The following DNAJC15 variants were observed in gnomAD, a reference collection of about 807,000 sequenced individuals.
DNAJC15 encodes the protein DnaJ heat shock protein family (Hsp40) member C15, also known as dnaJ homolog subfamily C member 15.
In DNAJC15, 27 loss-of-function variants were observed where a neutral mutation model predicts 22.4. The ratio of observed to expected loss-of-function variants is 1.20; its 90% CI spans 0.89 to 1.66. DNAJC15 has a LOEUF of 1.66. Among genes scored for constraint, DNAJC15 ranks in the 40% most tolerant of loss-of-function variants. The pLI, the probability that DNAJC15 is intolerant of heterozygous loss-of-function variation, is 0.00. For missense variants in DNAJC15, 208 were observed against 187.1 expected, an observed-to-expected ratio of 1.11 and a Z score of -0.65; for synonymous variants, 79 against 63.2, an observed-to-expected ratio of 1.25 and a Z score of -1.19.
intron 5 of DNAJC15, among the ~76,000 whole-genome samples, chr13:43,086,658 G>C (rs1196574195): frequency 4.6e-5 from 7 of 152,102 alleles, no homozygotes; most frequent in Admixed American, 4.6e-4. Flanking sequence ...CATCATCTCT[G>C]TTGGTTTTTG....
Position 43,109,183 on chromosome 13 carries a change from G to A in DNAJC15, c.*1935G>A, listed in dbSNP as rs2040813039. On this transcript the variant is annotated 3_prime_UTR_variant, in exon 6 of 6. Coordinates refer to ENST00000379221, the MANE Select transcript of DNAJC15 (RefSeq NM_013238.3). ...TTGAGTGAATGAATAAATTCCCATA[G>A]CACTTTATTCTTCACATGGTACATA... 6.6e-6 allele frequency: 1 copy of A among 152,158 alleles called. No individual in the cohort carries two copies. Among genetic ancestry groups the A allele is most frequent in the Non-Finnish European group, 1.5e-5 (1 of 68,030 alleles). The allele number at this position is 152,158 out of a possible 1,614,324, so 9.4% of individuals were successfully genotyped here.
intron 1 of DNAJC15, among the ~76,000 whole-genome samples, chr13:43,060,941 T>G (rs2153440660): frequency 6.6e-6 from 1 of 152,300 alleles, no homozygotes; most frequent in Non-Finnish European, 1.5e-5. Context: ...GACATGTGAG[T>G]AAAGTCAATT....
At chr13:43,031,583 G>C (rs994374626) in intron 1 of DNAJC15, among the ~76,000 whole-genome samples, 3 of 152,202 alleles carry the variant, frequency 2.0e-5, no homozygotes, top group Non-Finnish European at 4.4e-5. Context: ...GATGATAGCT[G>C]AACTGTTTTG....
chr13:43,102,580 G>A (rs1406797955), intron 5 of DNAJC15, among the ~76,000 whole-genome samples: 1 of 152,128 alleles, frequency 6.6e-6, no homozygotes, highest in African/African-American at 2.4e-5. Flanking sequence ...TTGCACTGCA[G>A]CCTGGGCAAC....
At chr13:43,049,949 G>A (rs1281055297) in intron 1 of DNAJC15, among the ~76,000 whole-genome samples, 2 of 152,080 alleles carry the variant, frequency 1.3e-5, no homozygotes, top group African/African-American at 4.8e-5. Context: ...ACAGAGTCTT[G>A]CTCTGTGGCC....
At chr13:43,093,232 G>C (rs951883505) in intron 5 of DNAJC15, among the ~76,000 whole-genome samples, 2 of 151,468 alleles carry the variant, frequency 1.3e-5, no homozygotes, top group African/African-American at 4.9e-5. Context: ...TAGTTATTTG[G>C]TTTTCAGGCC....
At chr13:43,029,919 A>G (rs1033460572) in intron 1 of DNAJC15, among the ~76,000 whole-genome samples, 1 of 152,204 alleles carries the variant, frequency 6.6e-6, no homozygotes, top group African/African-American at 2.4e-5. Context: ...TAACAAATGA[A>G]TGAAACCAAC....
In DNAJC15 at chr13:43,078,660, C is replaced by A; in HGVS notation, c.283C>A (p.Arg95=). The change falls in exon 4 of 6, where the codon CGA becomes AGA. Residue 95 remains arginine, a synonymous_variant. Transcript: ENST00000379221. ...KGGFEQKMSR[R]EAGLILGVSP... Reference sequence around the variant, plus strand: ...AGGATTTGAACAGAAAATGAGTAGGCGAGAAGCTGGTCTTATTTTAGGTGT... The same window carrying A: ...AGGATTTGAACAGAAAATGAGTAGGAGAGAAGCTGGTCTTATTTTAGGTGT... 1 of 1,613,298 alleles carries A rather than the reference C, an allele frequency of 6.2e-7. No homozygotes were observed. Among genetic ancestry groups the A allele is most frequent in the Non-Finnish European group, 8.5e-7 (1 of 1,179,550 alleles).
rs1334481040 is a variant in DNAJC15 at position 43,108,286 on chromosome 13, C to T, written c.*1038C>T. ...AATTAGCAGAAATAGATATATCAATCGGAGTGATTAGAGTGCAGGGTTTCT... is the reference window on the plus strand; with the variant it reads ...AATTAGCAGAAATAGATATATCAATTGGAGTGATTAGAGTGCAGGGTTTCT... On this transcript the variant is annotated 3_prime_UTR_variant, in exon 6 of 6. Coordinates refer to ENST00000379221, the MANE Select transcript of DNAJC15 (RefSeq NM_013238.3). 6.6e-6 allele frequency: 1 copy of T among 152,144 alleles called. No individual in the cohort carries two copies. The highest frequency in any genetic ancestry group is 1.5e-5 in the Non-Finnish European group (1 of 68,028). The allele number at this position is 152,144 out of a possible 1,614,324, so 9.4% of individuals were successfully genotyped here. A position where few individuals can be genotyped will look rare whatever the true frequency, so the allele number is the denominator to read the frequency against.
At chr13:43,048,906 A>G (rs1049662734) in intron 1 of DNAJC15, among the ~76,000 whole-genome samples, 5 of 152,122 alleles carry the variant, frequency 3.3e-5, no homozygotes, top group Admixed American at 3.3e-4. Flanking sequence ...AAACGTCTGA[A>G]TCGTCAGATA....
rs1400710663 is a variant in DNAJC15, at chr13:43,107,280, G to A, written c.*32G>A. ...AGGACCACACTGAAGGAAAAAAAAA[G>A]AGGGGACTTCGAAAAAAAAAAAAGC... On this transcript the variant is annotated 3_prime_UTR_variant, in exon 6 of 6. Transcript: ENST00000379221. 1.7e-5 allele frequency: 25 copies of A among 1,454,190 alleles called. No individual in the cohort carries two copies. Among genetic ancestry groups the A allele is most frequent in the Admixed American group, 1.4e-4 (5 of 36,658 alleles). 90.1% of individuals were successfully genotyped at this position (1,454,190 alleles called of 1,614,324 possible). A position where few individuals can be genotyped will look rare whatever the true frequency, so the allele number is the denominator to read the frequency against.
intron 5 of DNAJC15, 61 bp downstream of exon 5, chr13:43,085,899 G>C: frequency 6.9e-7 from 1 of 1,442,368 alleles, no homozygotes; most frequent in Non-Finnish European, 9.6e-7. Context: ...ATTCCTTTCA[G>C]ATTAAAGTCA....
intron 5 of DNAJC15, 59 bp from the exon 6 acceptor site, chr13:43,107,119 G>A: frequency 7.4e-7 from 1 of 1,347,636 alleles, no homozygotes; most frequent in South Asian, 1.5e-5. Flanking sequence ...ATATTTTGGG[G>A]ACTTTAAAGT....
chr13:43,107,523 C>CCACACA lies in DNAJC15; in HGVS notation c.*275_*276insCACACA. 1 of 93,710 alleles carries CCACACA rather than the reference C, an allele frequency of 1.1e-5. No homozygotes were observed. The highest frequency in any genetic ancestry group is 1.9e-5 in the Non-Finnish European group (1 of 51,768). 5.8% of individuals were successfully genotyped at this position (93,710 alleles called of 1,614,324 possible). ...TTTTTGTTATGTTCTGAATTCCCCCCTACACACACACACACACACACACAC... is the reference window on the plus strand; with the variant it reads ...TTTTTGTTATGTTCTGAATTCCCCCCCACACATACACACACACACACACACACACAC... On this transcript the variant is annotated 3_prime_UTR_variant, in exon 6 of 6. Coordinates refer to ENST00000379221, the MANE Select transcript of DNAJC15 (RefSeq NM_013238.3).
intron 5 of DNAJC15, among the ~76,000 whole-genome samples, chr13:43,086,473 G>A (rs2040688993): frequency 6.6e-6 from 1 of 151,942 alleles, no homozygotes; most frequent in African/African-American, 2.4e-5. Context: ...GGGGGGTGGG[G>A]GAGGAAAGTG....
At chr13:43,057,634 T>C (rs748049927) in intron 1 of DNAJC15, among the ~76,000 whole-genome samples, 10 of 152,226 alleles carry the variant, frequency 6.6e-5, no homozygotes, top group Non-Finnish European at 1.5e-4. Context: ...GATCCATTGC[T>C]GGTGAGCTAG....
chr13:43,106,368 TTGG>T (rs1251808556), intron 5 of DNAJC15, among the ~76,000 whole-genome samples: 1 of 152,128 alleles, frequency 6.6e-6, no homozygotes, highest in Non-Finnish European at 1.5e-5. Flanking sequence ...ATGTGACAGT[TTGG>T]TGCTAGTATT....
intron 5 of DNAJC15, among the ~76,000 whole-genome samples, chr13:43,091,225 CA>C (rs2040713518): frequency 1.3e-5 from 2 of 152,120 alleles, no homozygotes; most frequent in South Asian, 4.1e-4. Context: ...GCTGGGACTA[CA>C]GGTGTGTGCC....
At chr13:43,064,164 A>T (rs1458524706) in intron 1 of DNAJC15, among the ~76,000 whole-genome samples, 1 of 152,154 alleles carries the variant, frequency 6.6e-6, no homozygotes, top group Non-Finnish European at 1.5e-5. Flanking sequence ...ACTGGAACTG[A>T]TGAGGGGAGA....
Sources: gnomAD v4.1 joint callset for allele counts (sites outside exome capture counted in the v4.1 genomes callset) on GRCh38, gnomAD v4.1.1 for gene constraint, MANE v1.5 for transcripts, NCBI Gene and HGNC (gene_info 2026-07-23, HGNC 2026-07-21) for gene names.